Variants in RREB1 observed in about 807,000 individuals in gnomAD.
RREB1 encodes the protein ras responsive element binding protein 1.
Under a neutral mutation model 117.8 loss-of-function variants are expected in RREB1, and 27 were observed. The ratio of observed to expected loss-of-function variants is 0.23; its 90% confidence interval spans 0.17 to 0.32. The LOEUF is 0.32. RREB1 is among the 10% of genes least tolerant of loss of function. RREB1 has a pLI of 1.00. For missense variants in RREB1, 2,577 were observed against 2,378.2 expected (o/e 1.08, Z -1.74); for synonymous variants, 1,298 against 1,026.7 (o/e 1.26, Z -5.05).
At chr6:7,232,198 G>A (rs796654814) in intron 10 of RREB1, among the ~76,000 whole-genome samples, 16 of 152,342 alleles carry the variant, frequency 1.1e-4, no homozygotes, top group African/African-American at 3.4e-4. Context: ...GATCACTCAT[G>A]GCGTCGCCTC....
At chr6:7,143,341 T>C (rs1308677327) in intron 1 of RREB1, among the ~76,000 whole-genome samples, 1 of 152,212 alleles carries the variant, frequency 6.6e-6, no homozygotes, top group East Asian at 1.9e-4. Context: ...GTTAAGGGCA[T>C]GGAGAGGCAG....
chr6:7,220,741 G>A (rs1488000300), intron 8 of RREB1, among the ~76,000 whole-genome samples: 1 of 152,186 alleles, frequency 6.6e-6, no homozygotes, highest in Non-Finnish European at 1.5e-5. Flanking sequence ...GTGGCTCTAA[G>A]TGCAGTTCTG....
intron 1 of RREB1, among the ~76,000 whole-genome samples, chr6:7,151,713 A>G (rs1052923363): frequency 2.6e-5 from 4 of 152,222 alleles, no homozygotes; most frequent in Admixed American, 1.3e-4. Flanking sequence ...CTGCAGGGTC[A>G]GGGAGAAGGT....
chr6:7,116,410 G>C (rs866900526), intron 1 of RREB1, among the ~76,000 whole-genome samples: 18 of 152,070 alleles, frequency 1.2e-4, no homozygotes, highest in Admixed American at 8.5e-4. Flanking sequence ...CTCTTCTGTT[G>C]TGAGTAACTT....
At chr6:7,116,621 C>T (rs1338586270) in intron 1 of RREB1, among the ~76,000 whole-genome samples, 1 of 152,102 alleles carries the variant, frequency 6.6e-6, no homozygotes, top group Non-Finnish European at 1.5e-5. Context: ...GAAGCTAAGG[C>T]CTAAATAGTG....
chr6:7,160,314 A>G (rs977480596), intron 1 of RREB1, among the ~76,000 whole-genome samples: 2 of 152,130 alleles, frequency 1.3e-5, no homozygotes, highest in African/African-American at 2.4e-5. Context: ...GTATATTTTC[A>G]AAAATTATGT....
intron 6 of RREB1, among the ~76,000 whole-genome samples, chr6:7,193,601 T>G (rs1158118631): frequency 6.6e-6 from 1 of 152,212 alleles, no homozygotes; most frequent in Non-Finnish European, 1.5e-5. Context: ...ATTTGTTGTT[T>G]TTTTGTTTTG....
chr6:7,114,905 C>T (rs2113289321), intron 1 of RREB1, among the ~76,000 whole-genome samples: 1 of 152,220 alleles, frequency 6.6e-6, no homozygotes, highest in East Asian at 1.9e-4. Flanking sequence ...TCAGCTTTCC[C>T]AGTCACCTCT....
intron 1 of RREB1, among the ~76,000 whole-genome samples, chr6:7,127,960 A>G (rs1381651673): frequency 6.6e-6 from 1 of 152,148 alleles, no homozygotes; most frequent in African/African-American, 2.4e-5. Context: ...GTGGATGTGA[A>G]GGAAGTCAGA....
At chr6:7,193,980 C>T (rs1765542511) in intron 6 of RREB1, among the ~76,000 whole-genome samples, 2 of 152,196 alleles carry the variant, frequency 1.3e-5, no homozygotes, top group Non-Finnish European at 2.9e-5. Context: ...CACTCTTTTC[C>T]TCATTCTCAA....
intron 6 of RREB1, among the ~76,000 whole-genome samples, chr6:7,195,799 T>A: frequency 6.6e-6 from 1 of 152,138 alleles, no homozygotes; most frequent in Non-Finnish European, 1.5e-5. Context: ...CCCAGGTGCC[T>A]CCGTTCCATC....
chr6:7,128,079 A>G lies in RREB1; in HGVS notation c.-285+20019A>G, dbSNP rs569371062. Among the ~76,000 whole-genome samples the G allele has an allele frequency of 9.2e-5, 14 of 152,226 alleles. No homozygotes were observed. The South Asian group carries it at 2.1e-3, about 23-fold the overall frequency. ...TCTGGGGAAGAAATACGAATTTTTT[A>G]TAGCCTGACTTTATACATTTCAAAG... On this transcript the variant is annotated intron_variant, in intron 1 of 12. Transcript: ENST00000379938.
chr6:7,181,803 A>G (rs1764812883), intron 3 of RREB1, 67 bp from the exon 4 acceptor site: 1 of 1,126,076 alleles, frequency 8.9e-7, no homozygotes, highest in East Asian at 2.3e-5. Context: ...AGCCATGGCC[A>G]GCGCCCCCTG....
intron 10 of RREB1, among the ~76,000 whole-genome samples, chr6:7,239,910 C>G (rs1768585044): frequency 1.3e-5 from 2 of 152,230 alleles, no homozygotes; most frequent in South Asian, 4.1e-4. Flanking sequence ...GGGAGGGACA[C>G]AGCCACCAAG....
chr6:7,238,462 C>T (rs1045694545), intron 10 of RREB1, among the ~76,000 whole-genome samples: 1 of 152,204 alleles, frequency 6.6e-6, no homozygotes, highest in African/African-American at 2.4e-5. Context: ...GTCTTGAACT[C>T]CTGGCCTCAA....
At chr6:7,178,123 G>T (rs1267464864) in intron 2 of RREB1, among the ~76,000 whole-genome samples, 3 of 152,060 alleles carry the variant, frequency 2.0e-5, no homozygotes, top group Non-Finnish European at 4.4e-5. Flanking sequence ...GGCTTCCAAA[G>T]TGCTGGGATT....
chr6:7,229,832 C>G lies in RREB1; in HGVS notation c.1733C>G (p.Ser578Cys). 6.2e-7 allele frequency: 1 copy of G among 1,610,558 alleles called. No homozygotes were observed. The highest frequency in any genetic ancestry group is 8.5e-7 in the Non-Finnish European group (1 of 1,178,618). Residue 578 changes from serine to cysteine, a missense_variant, in exon 10 of 13, where the codon TCC becomes TGC. Coordinates refer to ENST00000379938, the MANE Select transcript of RREB1 (RefSeq NM_001003699.4). The surrounding 1 kb of genome is among the most constrained non-coding windows in gnomAD (Gnocchi z 4.5). ...CAGCCCCACGCGGCCACGCGGCTCTCCCTGCAGCAGCCGCGGGCGGAGCTG... is the reference window on the plus strand; with the variant it reads ...CAGCCCCACGCGGCCACGCGGCTCTGCCTGCAGCAGCCGCGGGCGGAGCTG... ...GTQPHAATRL[S>C]LQQPRAELPG...
chr6:7,150,827 C>G (rs1359768160), intron 1 of RREB1, among the ~76,000 whole-genome samples: 4 of 152,186 alleles, frequency 2.6e-5, no homozygotes, highest in Non-Finnish European at 5.9e-5. Context: ...CAGCCTGTTG[C>G]AATGGCGACT....
At chr6:7,114,496 C>A (rs1237460271) in intron 1 of RREB1, among the ~76,000 whole-genome samples, 3 of 151,148 alleles carry the variant, frequency 2.0e-5, no homozygotes, top group African/African-American at 7.3e-5. Context: ...CGGGGAGCTG[C>A]TACTGGCCTT....
Sources: gnomAD v4.1 joint callset for allele counts (sites outside exome capture counted in the v4.1 genomes callset) on GRCh38, gnomAD v4.1.1 for gene constraint, Gnocchi (gnomAD v3.1) non-coding constraint, MANE v1.5 for transcripts, NCBI Gene and HGNC (gene_info 2026-07-23, HGNC 2026-07-21) for gene names.